Variants in ACBD6 observed in about 807,000 individuals in gnomAD.
ACBD6 encodes acyl-CoA binding domain containing 6.
In ACBD6, 28 loss-of-function variants were observed where a neutral mutation model predicts 37.2. The ratio of observed to expected loss-of-function variants is 0.75; its 90% CI spans 0.56 to 1.03. The LOEUF (loss-of-function observed/expected upper bound fraction) is 1.03. ACBD6 is among the 50% of genes least tolerant of loss of function. The probability of loss-of-function intolerance (pLI) is 0.00; values close to 1 mark genes in which losing one functional copy is unlikely to be tolerated. For synonymous variants in ACBD6, 113 were observed against 126.8 expected (o/e 0.89, Z 0.73); for missense variants, 340 against 337.4 (o/e 1.01, Z -0.06).
At chr1:180,476,988 T>C (rs976620887) in intron 3 of ACBD6, among the ~76,000 whole-genome samples, 3 of 152,120 alleles carry the variant, frequency 2.0e-5, no homozygotes, top group African/African-American at 7.2e-5. Context: ...CACAATATAA[T>C]GCTTTGTATA....
At chr1:180,296,452 C>CA (rs1228517845) in intron 7 of ACBD6, among the ~76,000 whole-genome samples, 10 of 152,132 alleles carry the variant, frequency 6.6e-5, no homozygotes, top group African/African-American at 2.4e-4. Flanking sequence ...TTCTATTAGA[C>CA]AGAGTTTCAC....
At chr1:180,465,316 C>A (rs1374524899) in intron 3 of ACBD6, among the ~76,000 whole-genome samples, 1 of 151,982 alleles carries the variant, frequency 6.6e-6, no homozygotes, top group Non-Finnish European at 1.5e-5. Context: ...AACAGATCAA[C>A]AAGCGAAAAA....
chr1:180,290,480 T>C (rs951418007), intron 7 of ACBD6, among the ~76,000 whole-genome samples: 2 of 152,210 alleles, frequency 1.3e-5, no homozygotes, highest in African/African-American at 4.8e-5. Context: ...CCCGGCCCTA[T>C]AGCCATTTTA....
intron 3 of ACBD6, among the ~76,000 whole-genome samples, chr1:180,479,528 T>A (rs1002916336): frequency 1.3e-5 from 2 of 151,486 alleles, no homozygotes; most frequent in East Asian, 3.9e-4. Context: ...TGAAGAGAAG[T>A]GGGTTAAAGG....
chr1:180,439,208 C>A (rs917441055), intron 3 of ACBD6, among the ~76,000 whole-genome samples: 2 of 152,122 alleles, frequency 1.3e-5, no homozygotes, highest in African/African-American at 2.4e-5. Flanking sequence ...CTTCCCCTGG[C>A]CCAAAACACA....
intron 6 of ACBD6, among the ~76,000 whole-genome samples, chr1:180,349,144 T>C (rs1468676912): frequency 6.6e-6 from 1 of 152,020 alleles, no homozygotes; most frequent in Admixed American, 6.5e-5. Flanking sequence ...TAAAGTCAGC[T>C]TTTATTTACT....
At chr1:180,484,095 A>T (rs1009522315) in intron 3 of ACBD6, among the ~76,000 whole-genome samples, 1 of 152,158 alleles carries the variant, frequency 6.6e-6, no homozygotes, top group East Asian at 1.9e-4. Context: ...ACATGTCAAC[A>T]TTATTTATTT....
In ACBD6 at chr1:180,487,269, CCA is replaced by C. The variant is rs1409063570; in HGVS notation, c.384+4998_384+4999del. ...TACTTATACAGTAGCCCTCCTTTAT[CCA>C]CAGTTTCACTTTCCACCATTGCAGT... On this transcript the variant is annotated intron_variant, in intron 3 of 7. Coordinates refer to ENST00000367595, the MANE Select transcript of ACBD6 (RefSeq NM_032360.4). 2.0e-5 allele frequency among the ~76,000 whole-genome samples: 3 copies of C among 152,202 alleles called. No homozygotes were observed. In the South Asian group the frequency reaches 6.2e-4, roughly 32 times the overall value.
At chr1:180,379,058 G>A (rs1234291812) in intron 6 of ACBD6, among the ~76,000 whole-genome samples, 1 of 152,082 alleles carries the variant, frequency 6.6e-6, no homozygotes, top group African/African-American at 2.4e-5. Flanking sequence ...CCACCCTGGG[G>A]TCTAAAGACT....
chr1:180,443,134 G>A (rs1649347381), intron 3 of ACBD6, among the ~76,000 whole-genome samples: 2 of 152,254 alleles, frequency 1.3e-5, no homozygotes, highest in South Asian at 4.1e-4. Context: ...CATGCATTAA[G>A]TTACTTGGAA....
intron 3 of ACBD6, among the ~76,000 whole-genome samples, chr1:180,468,447 C>T (rs1650436286): frequency 6.6e-6 from 1 of 152,208 alleles, no homozygotes; most frequent in African/African-American, 2.4e-5. Flanking sequence ...AAGACTGCTG[C>T]CAATTTACAC....
At chr1:180,387,486 T>A (rs1434096603) in intron 6 of ACBD6, among the ~76,000 whole-genome samples, 1 of 152,180 alleles carries the variant, frequency 6.6e-6, no homozygotes, top group South Asian at 2.1e-4. Context: ...GGGCAGGAGA[T>A]GAAAGTCTAG....
intron 4 of ACBD6, among the ~76,000 whole-genome samples, chr1:180,424,904 T>C (rs1197227427): frequency 6.6e-6 from 1 of 152,186 alleles, no homozygotes; most frequent in African/African-American, 2.4e-5. Flanking sequence ...TGAAGCACGC[T>C]AGAAAAGGGT....
rs34583869 is a variant in ACBD6 at position 180,277,878 on chromosome 1, G to GC, written c.*175-2467_*175-2466insG. On this transcript the variant is annotated intron_variant, in intron 9 of 13. Coordinates refer to the ACBD6 transcript ENST00000642319. Reference sequence around the variant, plus strand: ...TTGGCAGTGTCCTTAAACTTTTTTTGGGGGGGGGCAGTGTAAAACATGAAA... The same window carrying GC: ...TTGGCAGTGTCCTTAAACTTTTTTTGCGGGGGGGGCAGTGTAAAACATGAAA... The GC allele has an allele frequency of 4.2e-4, 4 of 9,470 alleles. No individual in the cohort carries two copies. In the South Asian group the frequency reaches 0.019, roughly 46 times the overall value. The allele number at this position is 9,470 out of a possible 1,614,324, so 0.6% of individuals were successfully genotyped here.
chr1:180,319,072 C>G (rs149174245), intron 6 of ACBD6, among the ~76,000 whole-genome samples: 1,699 of 152,160 alleles, frequency 0.011, 26 homozygotes, highest in African/African-American at 0.038. Context: ...AAAATGAAAT[C>G]CCCCAACCTT....
chr1:180,429,954 G>C (rs1648747920), intron 4 of ACBD6, among the ~76,000 whole-genome samples: 2 of 151,982 alleles, frequency 1.3e-5, no homozygotes, highest in East Asian at 1.9e-4. Context: ...ACATTTAATT[G>C]ATTTTAAAGA....
intron 3 of ACBD6, among the ~76,000 whole-genome samples, chr1:180,460,219 C>CAGGG (rs1650087059): frequency 2.0e-5 from 3 of 150,686 alleles, no homozygotes; most frequent in African/African-American, 7.3e-5. Context: ...GACTTACCAA[C>CAGGG]AGGGGCCTCA....
exon 14 of ACBD6, chr1:180,271,283 C>A: frequency 1.4e-6 from 2 of 1,383,758 alleles, no homozygotes; most frequent in Non-Finnish European, 2.1e-6. Flanking sequence ...CTACAGCAGG[C>A]AGGCTTAGGT....
intron 4 of ACBD6, among the ~76,000 whole-genome samples, chr1:180,427,327 G>A (rs1406641550): frequency 6.6e-6 from 1 of 152,108 alleles, no homozygotes; most frequent in African/African-American, 2.4e-5. Context: ...CAGTTCCATA[G>A]AAAAGAATTT....
Sources: gnomAD v4.1 joint callset for allele counts (sites outside exome capture counted in the v4.1 genomes callset) on GRCh38, gnomAD v4.1.1 for gene constraint, MANE v1.5 for transcripts, NCBI Gene and HGNC (gene_info 2026-07-23, HGNC 2026-07-21) for gene names.